The following MAF variants were observed in gnomAD, a reference collection of about 807,000 sequenced individuals.
MAF encodes the protein MAF bZIP transcription factor, also known as transcription factor Maf.
In MAF, 10 loss-of-function variants were observed where a neutral mutation model predicts 22.0. The ratio of observed to expected loss-of-function variants is 0.45; its 90% CI spans 0.28 to 0.77. The LOEUF is 0.77. MAF is among the 30% of genes least tolerant of loss of function. MAF has a pLI of 0.12. For synonymous variants in MAF, 337 were observed against 255.8 expected (o/e 1.32, Z -3.03); for missense variants, 544 against 548.4 (o/e 0.99, Z 0.08).
the MAF span, among the ~76,000 whole-genome samples, chr16:79,421,278 C>G: frequency 1.3e-5 from 2 of 152,186 alleles, no homozygotes; most frequent in Non-Finnish European, 2.9e-5. Flanking sequence ...GCTGTGCAGT[C>G]TATGGGACTG....
chr16:79,428,077 G>A, the MAF span, among the ~76,000 whole-genome samples: 1,752 of 132,480 alleles, frequency 0.013, 7 homozygotes, highest in South Asian at 0.03. Context: ...AGGCGACAGA[G>A]TGAGACACCG....
At chr16:79,240,071 A>C in the MAF span, among the ~76,000 whole-genome samples, 10,970 of 151,956 alleles carry the variant, frequency 0.072, 530 homozygotes, top group Non-Finnish European at 0.1. Context: ...CTTGCAAAGA[A>C]CATCAAAGGG....
the MAF span, among the ~76,000 whole-genome samples, chr16:79,477,303 G>C: frequency 0.36 from 54,286 of 152,128 alleles, 11,403 homozygotes; most frequent in Middle Eastern, 0.47. Flanking sequence ...TGGAGCATGG[G>C]TTTGAGGATG....
chr16:79,343,181 T>C, the MAF span, among the ~76,000 whole-genome samples: 3 of 152,142 alleles, frequency 2.0e-5, no homozygotes, highest in South Asian at 2.1e-4. Flanking sequence ...AAATGTGTCC[T>C]GGTGCCACAA....
chr16:79,282,911 T>C, the MAF span, among the ~76,000 whole-genome samples: 4 of 152,118 alleles, frequency 2.6e-5, no homozygotes, highest in Non-Finnish European at 4.4e-5. Context: ...TGCTTATGAG[T>C]TTCATCAAAG....
the MAF span, among the ~76,000 whole-genome samples, chr16:79,390,228 A>T: frequency 6.6e-6 from 1 of 151,856 alleles, no homozygotes; most frequent in Non-Finnish European, 1.5e-5. Context: ...TTTTGGCAAT[A>T]TTGCTTCTCT....
the MAF span, among the ~76,000 whole-genome samples, chr16:79,219,894 T>C: frequency 2.0e-4 from 31 of 152,334 alleles, no homozygotes; most frequent in Admixed American, 3.9e-4. Flanking sequence ...ATTTGTGATA[T>C]TGGTTATATA....
the MAF span, among the ~76,000 whole-genome samples, chr16:79,400,848 G>A: frequency 1.3e-5 from 2 of 152,248 alleles, no homozygotes; most frequent in African/African-American, 2.4e-5. Flanking sequence ...TGAATGTTGA[G>A]AAATGGCCTG....
chr16:79,366,230 A>C, the MAF span, among the ~76,000 whole-genome samples: 1 of 152,250 alleles, frequency 6.6e-6, no homozygotes, highest in African/African-American at 2.4e-5. Flanking sequence ...AAATATATTC[A>C]GCTCTACAAG....
chr16:79,368,986 AG>A, the MAF span, among the ~76,000 whole-genome samples: 19 of 152,312 alleles, frequency 1.2e-4, no homozygotes, highest in South Asian at 3.9e-3. Context: ...ACCAGAGAAC[AG>A]GCTCCGTGAG....
At chr16:79,439,822 C>T in the MAF span, among the ~76,000 whole-genome samples, 51 of 152,184 alleles carry the variant, frequency 3.4e-4, no homozygotes, top group Non-Finnish European at 4.3e-4. Context: ...GGGATGGAAA[C>T]GACCGAAACA....
the MAF span, among the ~76,000 whole-genome samples, chr16:79,417,736 G>A: frequency 6.6e-6 from 1 of 152,112 alleles, no homozygotes; most frequent in South Asian, 2.1e-4. Flanking sequence ...GTTTTCTCTT[G>A]TTGACCAAAT....
chr16:79,595,413 C>A (rs1370090589), intron 1 of MAF: 1 of 1,053,834 alleles, frequency 9.5e-7, no homozygotes, highest in African/African-American at 1.7e-5. Context: ...GCAATATTAT[C>A]TTTTTTTCTT....
chr16:79,401,166 A>T, the MAF span, among the ~76,000 whole-genome samples: 1 of 151,966 alleles, frequency 6.6e-6, no homozygotes, highest in Non-Finnish European at 1.5e-5. Context: ...CTGATCAGAG[A>T]CCCCCTTGCT....
the MAF span, among the ~76,000 whole-genome samples, chr16:79,384,239 T>A: frequency 6.6e-6 from 1 of 150,776 alleles, no homozygotes; most frequent in African/African-American, 2.4e-5. Flanking sequence ...AGGTCAGGAG[T>A]TCGAGACCAG....
At chr16:79,504,140 G>A in the MAF span, among the ~76,000 whole-genome samples, 1 of 152,038 alleles carries the variant, frequency 6.6e-6, no homozygotes, top group African/African-American at 2.4e-5. Context: ...CTTCTGTTTG[G>A]GCCATCTTAA....
At chr16:79,535,513 C>T in the MAF span, among the ~76,000 whole-genome samples, 1 of 150,966 alleles carries the variant, frequency 6.6e-6, no homozygotes, top group African/African-American at 2.4e-5. Flanking sequence ...AAAGTATTAA[C>T]ACCATTTTTC....
At chr16:79,271,327 A>G in the MAF span, among the ~76,000 whole-genome samples, 1 of 152,196 alleles carries the variant, frequency 6.6e-6, no homozygotes, top group Non-Finnish European at 1.5e-5. Context: ...TTGGGTTACT[A>G]CTAAATAAAA....
At chr16:79,345,744 A>AT in the MAF span, among the ~76,000 whole-genome samples, 1 of 151,484 alleles carries the variant, frequency 6.6e-6, no homozygotes, top group African/African-American at 2.4e-5. Flanking sequence ...AAAAAAAAAA[A>AT]AAAAAAAAAA....
Sources: gnomAD v4.1 joint callset for allele counts (sites outside exome capture counted in the v4.1 genomes callset) on GRCh38, gnomAD v4.1.1 for gene constraint, MANE v1.5 for transcripts, NCBI Gene and HGNC (gene_info 2026-07-23, HGNC 2026-07-21) for gene names.